Variants in PKD1L1 observed in about 807,000 individuals in gnomAD.
PKD1L1 encodes polycystin-1-like protein 1.
A neutral mutation model predicts 323.4 loss-of-function variants in PKD1L1; 236 were observed. The observed-to-expected ratio is 0.73, with a 90% CI of 0.66 to 0.81. The LOEUF (loss-of-function observed/expected upper bound fraction) is 0.81, where lower values mean the gene tolerates loss of function less well. Ranked by LOEUF, PKD1L1 falls within the 40% of genes least tolerant of loss-of-function variation. The pLI, the probability that PKD1L1 is intolerant of heterozygous loss-of-function variation, is 0.00. For missense variants in PKD1L1, 3,320 were observed against 3,508.0 expected (o/e 0.95, Z 1.35); for synonymous variants, 1,344 against 1,335.0 (o/e 1.01, Z -0.15).
chr7:47,897,873 C>A, intron 14 of PKD1L1, 115 bp downstream of exon 14: 3 of 795,986 alleles, frequency 3.8e-6, no homozygotes, highest in South Asian at 2.6e-5. Context: ...TTTTAAACAA[C>A]CTCCCTTTTC....
At chr7:47,813,447 G>T in intron 48 of PKD1L1, 154 bp from the exon 49 acceptor site, 1 of 832,458 alleles carries the variant, frequency 1.2e-6, no homozygotes, top group Non-Finnish European at 2.0e-6. Context: ...AGCCTGTTTC[G>T]TGGTCTACAG....
chr7:47,864,632 CT>C (rs1320636492), intron 26 of PKD1L1, among the ~76,000 whole-genome samples: 10 of 132,304 alleles, frequency 7.6e-5, no homozygotes, highest in South Asian at 5.0e-4. Flanking sequence ...TTCTTTCTTT[CT>C]TTCCTTCCTT....
At chr7:47,904,196 CT>C (rs2128750911) in intron 12 of PKD1L1, among the ~76,000 whole-genome samples, 181 bp downstream of exon 12, 1 of 152,328 alleles carries the variant, frequency 6.6e-6, no homozygotes, top group Admixed American at 6.5e-5. Flanking sequence ...TCCTCTTTGT[CT>C]TTCCCCTGGA....
chr7:47,881,796 C>A, intron 20 of PKD1L1, 113 bp downstream of exon 20: 1 of 1,041,210 alleles, frequency 9.6e-7, no homozygotes, highest in Non-Finnish European at 1.4e-6. Context: ...GAAAAGGTAC[C>A]ACAATTCTAA....
chr7:47,915,496 GT>G lies in PKD1L1; in HGVS notation c.1163del (p.Asn388ThrfsTer59), dbSNP rs1562988323. 2.9e-6 allele frequency: 4 copies of G among 1,373,078 alleles called. No homozygotes were observed. The highest frequency in any genetic ancestry group is 4.2e-6 in the Non-Finnish European group (4 of 960,412). 85.1% of individuals were successfully genotyped at this position (1,373,078 alleles called of 1,614,324 possible). A position where few individuals can be genotyped will look rare whatever the true frequency, so the allele number is the denominator to read the frequency against. Reference protein sequence around the residue: ...TLNVYLCQSENSCLEDSDPSN... With the variant: ...TLNVYLCQSEXSCLEDSDPSN... The stretch of plus-strand genomic sequence containing the variant: ...TGGGGTCTGAGTCTTCCAGGCAGCT[GT>G]TTTCACTTTGGCACAAGTAAACATT... On this transcript the variant is annotated frameshift_variant, in exon 8 of 57. Coordinates refer to ENST00000289672, the MANE Select transcript of PKD1L1 (RefSeq NM_138295.5). LOFTEE classifies it high-confidence loss of function.
At chr7:47,893,782 T>A in intron 15 of PKD1L1, 96 bp downstream of exon 15, 2 of 1,311,360 alleles carry the variant, frequency 1.5e-6, no homozygotes, top group Non-Finnish European at 2.1e-6. Flanking sequence ...GTGCTTAAAA[T>A]TTAAAACTAT....
intron 12 of PKD1L1, 21 bp downstream of exon 12, chr7:47,904,357 C>G (rs370372793): frequency 2.0e-5 from 32 of 1,613,338 alleles, no homozygotes; most frequent in Non-Finnish European, 2.5e-5. Flanking sequence ...GAGAGCACTC[C>G]GCCGCCTTGC....
chr7:47,899,845 A>G (rs1324508521), intron 13 of PKD1L1, among the ~76,000 whole-genome samples: 1 of 151,190 alleles, frequency 6.6e-6, no homozygotes, highest in East Asian at 2.0e-4. Flanking sequence ...AGTCCCAGCT[A>G]CTCTGGAGGC....
chr7:47,921,959 C>T (rs1787552192), intron 7 of PKD1L1, among the ~76,000 whole-genome samples: 1 of 150,606 alleles, frequency 6.6e-6, no homozygotes, highest in Non-Finnish European at 1.5e-5. Flanking sequence ...CCCTCTGATG[C>T]CAAGCCGAGG....
At chr7:47,830,452 A>T (rs1390821343) in intron 42 of PKD1L1, among the ~76,000 whole-genome samples, 2 of 152,252 alleles carry the variant, frequency 1.3e-5, no homozygotes, top group Non-Finnish European at 2.9e-5. Context: ...CAGCAACAAC[A>T]ACAAAGCTGG....
chr7:47,865,917 AAG>A, intron 25 of PKD1L1, among the ~76,000 whole-genome samples: 1 of 152,268 alleles, frequency 6.6e-6, no homozygotes. Flanking sequence ...CATTTTTAAA[AAG>A]AGGAAGAATG....
At chr7:47,951,616 G>C (rs757079805), upstream of PKD1L1, among the ~76,000 whole-genome samples, 27 of 152,192 alleles carry the variant, frequency 1.8e-4, no homozygotes, top group Non-Finnish European at 3.2e-4. Context: ...GCACAGAGCT[G>C]CAGTTTACAC....
At chr7:47,864,899 T>C (rs1786128601) in intron 26 of PKD1L1, among the ~76,000 whole-genome samples, 2 of 151,986 alleles carry the variant, frequency 1.3e-5, no homozygotes, top group Admixed American at 1.3e-4. Context: ...GGCTAATTTT[T>C]ATATTTTTAG....
At chr7:47,844,033 C>T (rs757048491) in intron 33 of PKD1L1, among the ~76,000 whole-genome samples, 11 of 152,132 alleles carry the variant, frequency 7.2e-5, no homozygotes, top group African/African-American at 1.4e-4. Context: ...TGAAACCTTT[C>T]GGATTCTGGC....
chr7:47,869,552 A>G (rs1786236594), intron 24 of PKD1L1, among the ~76,000 whole-genome samples: 1 of 152,226 alleles, frequency 6.6e-6, no homozygotes, highest in African/African-American at 2.4e-5. Flanking sequence ...TAAATTCACC[A>G]GGAAGGTTAA....
Position 47,940,324 on chromosome 7 carries a change from A to AG in PKD1L1, c.161-8_161-7insC, listed in dbSNP as rs369385643. The AG allele has an allele frequency of 1.4e-3, 1,446 of 1,064,804 alleles. No individual in the cohort carries two copies. The highest frequency in any genetic ancestry group is 1.9e-3 in the South Asian group (95 of 48,952). 66.0% of individuals were successfully genotyped at this position (1,064,804 alleles called of 1,614,324 possible). A position where few individuals can be genotyped will look rare whatever the true frequency, so the allele number is the denominator to read the frequency against. On this transcript the variant is annotated splice_polypyrimidine_tract_variant and splice_region_variant and intron_variant, in intron 2 of 56. Transcript: ENST00000289672. ...ACATGATTAGCATAGACCTCTAGAG[A>AG]AAAAAAAAAAAGCAAACATTCTGAA...
At chr7:47,811,510 G>A (rs112219441) in intron 50 of PKD1L1, among the ~76,000 whole-genome samples, 5 of 152,276 alleles carry the variant, frequency 3.3e-5, no homozygotes, top group African/African-American at 1.2e-4. Context: ...AGCAGCCTGA[G>A]CTAAATCCCT....
chr7:47,854,798 A>T, intron 30 of PKD1L1, 84 bp downstream of exon 30: 1 of 1,464,838 alleles, frequency 6.8e-7, no homozygotes, highest in Non-Finnish European at 9.4e-7. Flanking sequence ...AACACAATTT[A>T]ATTCACTGAT....
rs768575199 is a variant in PKD1L1 at position 47,905,210 on chromosome 7, T to G, written c.1638A>C (p.Pro546=). 3.1e-6 allele frequency: 5 copies of G among 1,614,040 alleles called. No homozygotes were observed. Among genetic ancestry groups the G allele is most frequent in the Non-Finnish European group, 4.2e-6 (5 of 1,180,036 alleles). ...TGCTTCTTGAAGTTGTCCTCACTGG[T>G]GGATCCTCTCCAAAATACCACTCAA... ...LEFEWYFGED[P]PVRTTSRSIK... Residue 546 remains proline (P), a synonymous_variant, in exon 11 of 57, where the codon CCA becomes CCC. Transcript: ENST00000289672.
Sources: gnomAD v4.1 joint callset for allele counts (sites outside exome capture counted in the v4.1 genomes callset) on GRCh38, gnomAD v4.1.1 for gene constraint, MANE v1.5 for transcripts, NCBI Gene and HGNC (gene_info 2026-07-23, HGNC 2026-07-21) for gene names.